The following CAMKMT variants were observed in gnomAD, a reference collection of about 807,000 sequenced individuals.
CAMKMT encodes the protein calmodulin-lysine N-methyltransferase.
CAMKMT carries 53 observed loss-of-function variants against 48.0 expected under a neutral mutation model. The observed-to-expected ratio is 1.10, with a 90% CI of 0.89 to 1.39. The LOEUF (loss-of-function observed/expected upper bound fraction) is 1.39, where lower values mean the gene tolerates loss of function less well. Ranked by LOEUF, CAMKMT falls within the 40% of genes most tolerant of loss-of-function variation. CAMKMT has a pLI of 0.00. For missense variants in CAMKMT, 428 were observed against 402.7 expected (o/e 1.06, Z -0.54); for synonymous variants, 165 against 152.3 (o/e 1.08, Z -0.61).
At chr2:44,617,887 C>T (rs77192488) in intron 3 of CAMKMT, among the ~76,000 whole-genome samples, 4,263 of 152,054 alleles carry the variant, frequency 0.028, 192 homozygotes, top group African/African-American at 0.097. Context: ...TCGCAGGCAA[C>T]GAATAAATGA....
chr2:44,391,414 C>G (rs1681328950), intron 3 of CAMKMT, among the ~76,000 whole-genome samples: 1 of 151,850 alleles, frequency 6.6e-6, no homozygotes, highest in Non-Finnish European at 1.5e-5. Context: ...ACCCGAATGC[C>G]TTTTAGTTTT....
intron 3 of CAMKMT, among the ~76,000 whole-genome samples, chr2:44,419,764 G>A (rs964342290): frequency 6.6e-6 from 1 of 152,116 alleles, no homozygotes. Flanking sequence ...GGCTGAGGTA[G>A]GAGGATCACT....
At chr2:44,474,057 A>G (rs1668558116) in intron 3 of CAMKMT, among the ~76,000 whole-genome samples, 1 of 152,202 alleles carries the variant, frequency 6.6e-6, no homozygotes, top group South Asian at 2.1e-4. Context: ...CCATTCACAT[A>G]TACCTGTGTG....
intron 3 of CAMKMT, among the ~76,000 whole-genome samples, chr2:44,631,008 C>G (rs1291248220): frequency 3.9e-5 from 6 of 151,998 alleles, no homozygotes; most frequent in Non-Finnish European, 7.4e-5. Context: ...AAATGTCCAA[C>G]AATGATAGAC....
chr2:44,422,735 A>G (rs1332538225), intron 3 of CAMKMT, among the ~76,000 whole-genome samples: 1 of 151,972 alleles, frequency 6.6e-6, no homozygotes, highest in Non-Finnish European at 1.5e-5. Flanking sequence ...CAACAGCCAG[A>G]TGGAGCATAA....
intron 3 of CAMKMT, among the ~76,000 whole-genome samples, chr2:44,412,015 G>A (rs754440899): frequency 1.4e-3 from 156 of 111,640 alleles, no homozygotes; most frequent in Non-Finnish European, 2.0e-3. Flanking sequence ...TTTTTTAGCA[G>A]ACAGTGTAGA....
intron 3 of CAMKMT, among the ~76,000 whole-genome samples, chr2:44,484,257 C>G (rs1163254433): frequency 6.7e-6 from 1 of 150,344 alleles, no homozygotes; most frequent in African/African-American, 2.4e-5. Flanking sequence ...ATGTAAAGAA[C>G]CAATAATAGT....
intron 7 of CAMKMT, among the ~76,000 whole-genome samples, chr2:44,728,769 G>T (rs2104338645): frequency 7.1e-6 from 1 of 140,546 alleles, no homozygotes; most frequent in African/African-American, 2.6e-5. Flanking sequence ...TGTCACCTTT[G>T]TTGTTTCTGA....
intron 3 of CAMKMT, among the ~76,000 whole-genome samples, chr2:44,615,085 C>T (rs949975186): frequency 2.6e-5 from 4 of 151,306 alleles, no homozygotes; most frequent in African/African-American, 7.3e-5. Context: ...ACCCCACACC[C>T]GGCTAATTTT....
intron 7 of CAMKMT, among the ~76,000 whole-genome samples, chr2:44,725,759 C>A (rs1466248312): frequency 1.3e-5 from 2 of 151,912 alleles, no homozygotes; most frequent in East Asian, 3.9e-4. Flanking sequence ...GTTAAGAAAT[C>A]ATCACACTGG....
At chr2:44,505,020 C>T (rs1234164217) in intron 3 of CAMKMT, among the ~76,000 whole-genome samples, 2 of 152,078 alleles carry the variant, frequency 1.3e-5, no homozygotes, top group Non-Finnish European at 2.9e-5. Flanking sequence ...GGAGAGATGC[C>T]AGGCTCTTTT....
At chr2:44,376,399 G>C (rs1572673088) in intron 2 of CAMKMT, among the ~76,000 whole-genome samples, 1 of 147,976 alleles carries the variant, frequency 6.8e-6, no homozygotes, top group African/African-American at 2.5e-5. Context: ...CCAGCCTGGT[G>C]ACGAAGTGAG....
intron 3 of CAMKMT, among the ~76,000 whole-genome samples, chr2:44,596,030 A>G (rs1670634110): frequency 6.6e-6 from 1 of 151,950 alleles, no homozygotes. Context: ...AGAAATACCT[A>G]ATGTAGATGA....
chr2:44,414,752 G>A lies in CAMKMT; in HGVS notation c.376+24447G>A, dbSNP rs1683435215. ...GGAGGCTGGCCACCAAACTCCTCGT[G>A]ATGGATATCATCATTGGTAGTTCTC... On this transcript the variant is annotated intron_variant, in intron 3 of 10. Coordinates refer to ENST00000378494, the MANE Select transcript of CAMKMT (RefSeq NM_024766.5). Among the ~76,000 whole-genome samples, 4 of 152,214 alleles carry A rather than the reference G, an allele frequency of 2.6e-5. No individual in the cohort carries two copies. In the South Asian group the frequency reaches 8.3e-4, roughly 31 times the overall value.
At chr2:44,659,955 G>A (rs1040755340) in intron 3 of CAMKMT, among the ~76,000 whole-genome samples, 5 of 151,866 alleles carry the variant, frequency 3.3e-5, no homozygotes, top group African/African-American at 4.8e-5. Context: ...AAAAATTATT[G>A]AAGACCCAAA....
chr2:44,510,165 T>C (rs1042339424), intron 3 of CAMKMT, among the ~76,000 whole-genome samples: 1 of 152,234 alleles, frequency 6.6e-6, no homozygotes, highest in African/African-American at 2.4e-5. Flanking sequence ...AATATCCTTT[T>C]TCTGGTCCAT....
chr2:44,611,116 T>G (rs1206517749), intron 3 of CAMKMT, among the ~76,000 whole-genome samples: 2 of 152,092 alleles, frequency 1.3e-5, no homozygotes, highest in African/African-American at 4.8e-5. Flanking sequence ...TATTCTATGG[T>G]TAGGCTGAGT....
chr2:44,675,160 A>G (rs901141660), intron 3 of CAMKMT, among the ~76,000 whole-genome samples: 8 of 151,542 alleles, frequency 5.3e-5, no homozygotes, highest in African/African-American at 1.7e-4. Context: ...ATTCTCTCCC[A>G]TCTTTCTCCT....
chr2:44,587,714 G>T (rs1299567217), intron 3 of CAMKMT, among the ~76,000 whole-genome samples: 3 of 131,892 alleles, frequency 2.3e-5, no homozygotes, highest in African/African-American at 5.6e-5. Flanking sequence ...TCCTGACCGC[G>T]AGTGATCCGC....
Sources: allele counts gnomAD v4.1 joint callset (sites outside exome capture counted in the v4.1 genomes callset), GRCh38; gene constraint gnomAD v4.1.1; transcripts MANE v1.5; gene names NCBI Gene and HGNC (gene_info 2026-07-23, HGNC 2026-07-21).